The following NRG3 variants were observed in gnomAD, a reference collection of about 807,000 sequenced individuals.
NRG3 encodes neuregulin 3, also known as pro-neuregulin-3, membrane-bound isoform.
In NRG3, 31 loss-of-function variants were observed where a neutral mutation model predicts 66.9. The observed-to-expected ratio is 0.46, with a 90% confidence interval of 0.35 to 0.63. The LOEUF is 0.63. Ranked by LOEUF, NRG3 falls within the 20% of genes least tolerant of loss-of-function variation. NRG3 has a pLI of 0.00. For missense variants in NRG3, 910 were observed against 878.9 expected, an observed-to-expected ratio of 1.04 and a Z score of -0.45; for synonymous variants, 393 against 359.4, an observed-to-expected ratio of 1.09 and a Z score of -1.06.
At chr10:82,717,438 C>T (rs746461299) in intron 2 of NRG3, among the ~76,000 whole-genome samples, 32 of 120,632 alleles carry the variant, frequency 2.7e-4, no homozygotes, top group Middle Eastern at 8.5e-3. Context: ...CTTGCTGTGT[C>T]GCCCAGGCTA....
chr10:82,448,045 C>G (rs977333738), intron 2 of NRG3, among the ~76,000 whole-genome samples: 2 of 152,114 alleles, frequency 1.3e-5, no homozygotes, highest in Admixed American at 6.5e-5. Flanking sequence ...ATTTTAGTCC[C>G]AAATAGAGGA....
chr10:82,981,448 C>A (rs1852887818), intron 8 of NRG3, among the ~76,000 whole-genome samples: 1 of 152,210 alleles, frequency 6.6e-6, no homozygotes, highest in African/African-American at 2.4e-5. Context: ...TCCCTGGGGA[C>A]TGACTGTCTC....
At chr10:82,005,407 A>C (rs1265148495) in intron 1 of NRG3, among the ~76,000 whole-genome samples, 1 of 152,238 alleles carries the variant, frequency 6.6e-6, no homozygotes, top group African/African-American at 2.4e-5. Flanking sequence ...TATACAGCTC[A>C]ATAAACATTT....
chr10:82,795,884 G>A (rs572154255), intron 3 of NRG3, among the ~76,000 whole-genome samples: 40 of 152,110 alleles, frequency 2.6e-4, no homozygotes, highest in Admixed American at 2.0e-3. Context: ...TGGTCTGGTC[G>A]TTTAGGGCCT....
intron 2 of NRG3, among the ~76,000 whole-genome samples, chr10:82,540,099 A>G (rs887393538): frequency 9.9e-5 from 15 of 151,264 alleles, no homozygotes; most frequent in Non-Finnish European, 2.2e-4. Context: ...TGAACTTGGC[A>G]GTAGGAGAAG....
At chr10:82,901,595 T>C (rs1211109051) in intron 4 of NRG3, among the ~76,000 whole-genome samples, 1 of 152,222 alleles carries the variant, frequency 6.6e-6, no homozygotes. Context: ...AGAAGAATAA[T>C]GGGACTTTTA....
chr10:81,890,526 C>T (rs934714762), intron 1 of NRG3, among the ~76,000 whole-genome samples: 8 of 152,174 alleles, frequency 5.3e-5, no homozygotes, highest in Non-Finnish European at 1.2e-4. Context: ...ATGATGTTTG[C>T]ACTCTCTTGC....
chr10:82,040,384 T>G, intron 1 of NRG3, among the ~76,000 whole-genome samples: 1 of 145,318 alleles, frequency 6.9e-6, no homozygotes, highest in East Asian at 2.1e-4. Context: ...TACACTTATA[T>G]ACATATATGT....
At chr10:82,550,777 A>G (rs145594802) in intron 2 of NRG3, among the ~76,000 whole-genome samples, 4 of 152,314 alleles carry the variant, frequency 2.6e-5, no homozygotes, top group African/African-American at 7.2e-5. Flanking sequence ...TTGAAGGAGT[A>G]TATCTTGAAG....
intron 1 of NRG3, among the ~76,000 whole-genome samples, chr10:82,291,736 G>A (rs2079760865): frequency 6.6e-6 from 1 of 152,098 alleles, no homozygotes; most frequent in South Asian, 2.1e-4. Flanking sequence ...AATGGTCCTG[G>A]AGCAGTCAGA....
chr10:81,913,152 T>G (rs542631390), intron 1 of NRG3, among the ~76,000 whole-genome samples: 1 of 147,162 alleles, frequency 6.8e-6, no homozygotes, highest in South Asian at 2.3e-4. Context: ...GTTTTATGGT[T>G]GAATTTATTC....
rs961532601 is a variant in NRG3, at chr10:82,411,244, T to A, written c.953+52376T>A. ...CTGGCCCAGTGTTTTTTACTTGATA[T>A]TTATAAGGAGGAAAGGAAGGAAGAA... On this transcript the variant is annotated intron_variant, in intron 2 of 8. Coordinates refer to ENST00000372141, the MANE Select transcript of NRG3 (RefSeq NM_001010848.4). Among the ~76,000 whole-genome samples, 9 of 151,780 alleles carry A rather than the reference T, an allele frequency of 5.9e-5. No homozygotes were observed. The East Asian group carries it at 1.7e-3, about 29-fold the overall frequency.
At chr10:82,455,528 T>C (rs960545893) in intron 2 of NRG3, among the ~76,000 whole-genome samples, 2 of 151,966 alleles carry the variant, frequency 1.3e-5, no homozygotes, top group African/African-American at 4.8e-5. Context: ...GGTGAGTCAG[T>C]GAGTGAGTGA....
intron 2 of NRG3, among the ~76,000 whole-genome samples, chr10:82,409,977 C>A (rs191556980): frequency 2.2e-3 from 333 of 152,240 alleles, no homozygotes; most frequent in African/African-American, 7.7e-3. Context: ...TGAGCAAGCG[C>A]CCCAAGAGAC....
At chr10:82,849,092 A>G (rs1038003140) in intron 3 of NRG3, among the ~76,000 whole-genome samples, 1 of 152,208 alleles carries the variant, frequency 6.6e-6, no homozygotes, top group Non-Finnish European at 1.5e-5. Flanking sequence ...TCAAGTTACA[A>G]TGGGGTCTTT....
chr10:82,236,841 G>C (rs2076779573), intron 1 of NRG3, among the ~76,000 whole-genome samples: 1 of 148,462 alleles, frequency 6.7e-6, no homozygotes, highest in Admixed American at 6.9e-5. Flanking sequence ...TCAGCCTCCT[G>C]AGTAGCTGGG....
intron 2 of NRG3, among the ~76,000 whole-genome samples, chr10:82,727,958 C>T (rs1315743537): frequency 6.6e-6 from 1 of 152,104 alleles, no homozygotes; most frequent in Non-Finnish European, 1.5e-5. Flanking sequence ...GATTTGACTG[C>T]CCTGCTGGAT....
chr10:82,319,392 T>C (rs1440177372), intron 1 of NRG3, among the ~76,000 whole-genome samples: 1 of 152,250 alleles, frequency 6.6e-6, no homozygotes, highest in Non-Finnish European at 1.5e-5. Flanking sequence ...GGCTGTTGTA[T>C]GCATAATTTA....
At chr10:82,335,640 C>G (rs946411307) in intron 1 of NRG3, among the ~76,000 whole-genome samples, 27 of 152,016 alleles carry the variant, frequency 1.8e-4, no homozygotes, top group African/African-American at 6.0e-4. Context: ...AAGCAAGACC[C>G]TGCTTCTCAA....
Sources: gnomAD v4.1 joint callset for allele counts (sites outside exome capture counted in the v4.1 genomes callset) on GRCh38, gnomAD v4.1.1 for gene constraint, MANE v1.5 for transcripts, NCBI Gene and HGNC (gene_info 2026-07-23, HGNC 2026-07-21) for gene names.